SUGCT: variants seen among roughly 807,000 people sequenced by gnomAD.
The protein encoded by SUGCT is succinyl-CoA:glutarate-CoA transferase, also known as succinyl-CoA:glutarate CoA-transferase.
SUGCT carries 41 observed loss-of-function variants against 55.0 expected under a neutral mutation model. That is an observed-to-expected ratio of 0.74 (90% confidence interval 0.58 to 0.97). The LOEUF is 0.97. Among genes scored for constraint, SUGCT ranks in the 50% least tolerant of loss-of-function variants. The pLI, the probability that SUGCT is intolerant of heterozygous loss-of-function variation, is 0.00. For missense variants in SUGCT, 568 were observed against 547.8 expected (o/e 1.04, Z -0.37); for synonymous variants, 187 against 200.4 (o/e 0.93, Z 0.56).
chr7:40,671,633 G>A (rs1801944864), intron 12 of SUGCT, among the ~76,000 whole-genome samples: 1 of 152,122 alleles, frequency 6.6e-6, no homozygotes, highest in East Asian at 1.9e-4. Context: ...GGATAAAAAT[G>A]AAATAGATGT....
chr7:40,829,341 C>T (rs550377277), intron 13 of SUGCT, among the ~76,000 whole-genome samples: 16 of 152,280 alleles, frequency 1.1e-4, no homozygotes, highest in African/African-American at 3.9e-4. Flanking sequence ...GCCACTTTGC[C>T]ATACACTGTT....
Position 40,237,797 on chromosome 7 carries a change from A to AT in SUGCT, c.576+71_576+72insT, listed in dbSNP as rs760924478. 239 of 1,246,884 alleles carry AT rather than the reference A, an allele frequency of 1.9e-4. 1 individual carries two copies. Among genetic ancestry groups the AT allele is most frequent in the Non-Finnish European group, 2.6e-4 (224 of 865,782 alleles). The allele number at this position is 1,246,884 out of a possible 1,614,324, so 77.2% of individuals were successfully genotyped here. On this transcript the variant is annotated intron_variant, in intron 7 of 13. Coordinates refer to ENST00000335693, the MANE Select transcript of SUGCT (RefSeq NM_001193313.2). ...TTCCAAAAGGATTTTACTCTGCACT[A>AT]ACCCATAGGATTAAATGAGTTGTTA...
At chr7:40,314,985 A>G (rs1475845690) in intron 8 of SUGCT, among the ~76,000 whole-genome samples, 2 of 152,186 alleles carry the variant, frequency 1.3e-5, no homozygotes, top group Non-Finnish European at 2.9e-5. Context: ...TTTTGTGTTC[A>G]TTCTGCCTGG....
intron 13 of SUGCT, among the ~76,000 whole-genome samples, chr7:40,821,557 T>C (rs889476516): frequency 1.3e-5 from 2 of 152,178 alleles, no homozygotes; most frequent in African/African-American, 2.4e-5. Context: ...TGCGTAGAGG[T>C]GTTTATAATA....
chr7:40,364,454 G>A (rs1783817817), intron 9 of SUGCT, among the ~76,000 whole-genome samples: 2 of 151,838 alleles, frequency 1.3e-5, no homozygotes, highest in African/African-American at 2.4e-5. Context: ...GGCTGGTACC[G>A]GTTGTTCCTT....
intron 9 of SUGCT, among the ~76,000 whole-genome samples, chr7:40,320,285 T>C (rs1323196101): frequency 6.6e-6 from 1 of 152,062 alleles, no homozygotes; most frequent in African/African-American, 2.4e-5. Context: ...TTTGTATTTT[T>C]AGTAGAGATG....
chr7:40,272,667 T>TTATTATTA, intron 7 of SUGCT, among the ~76,000 whole-genome samples: 1 of 140,316 alleles, frequency 7.1e-6, no homozygotes, highest in Non-Finnish European at 1.5e-5. Context: ...TATTATTATT[T>TTATTATTA]TTTTTTTTTT....
Position 40,647,174 on chromosome 7 carries a change from A to G in SUGCT, c.1090-102260A>G, listed in dbSNP as rs530313525. ...GGAAAAGTAACTGAAAGTCTCTAAC[A>G]TTAAATCACTATTATATCAAGGCAC... On this transcript the variant is annotated intron_variant, in intron 12 of 13. Coordinates refer to ENST00000335693, the MANE Select transcript of SUGCT (RefSeq NM_001193313.2). Among the ~76,000 whole-genome samples the G allele has an allele frequency of 2.0e-5, 3 of 152,222 alleles. No individual in the cohort carries two copies. The South Asian group carries it at 6.2e-4, about 31-fold the overall frequency.
chr7:40,635,294 A>AAAAAAAC (rs1799975585), intron 12 of SUGCT, among the ~76,000 whole-genome samples: 1 of 152,070 alleles, frequency 6.6e-6, no homozygotes, highest in Non-Finnish European at 1.5e-5. Flanking sequence ...TCCAAAAAAG[A>AAAAAAAC]AAAAAACAAA....
At chr7:40,824,755 T>C (rs964934269) in intron 13 of SUGCT, among the ~76,000 whole-genome samples, 14 of 152,082 alleles carry the variant, frequency 9.2e-5, no homozygotes, top group African/African-American at 3.4e-4. Flanking sequence ...TGTCATCCCA[T>C]AGTGGAAAGC....
intron 9 of SUGCT, among the ~76,000 whole-genome samples, chr7:40,341,168 G>T (rs1309226706): frequency 6.6e-6 from 1 of 152,096 alleles, no homozygotes; most frequent in African/African-American, 2.4e-5. Flanking sequence ...ATTGACTGTT[G>T]AATCTCATTC....
intron 6 of SUGCT, among the ~76,000 whole-genome samples, chr7:40,220,542 T>G (rs1787963299): frequency 6.6e-6 from 1 of 152,168 alleles, no homozygotes; most frequent in Admixed American, 6.5e-5. Flanking sequence ...AAGTTGCATG[T>G]GGAGGTGACA....
chr7:40,570,067 A>G (rs1796359027), intron 12 of SUGCT, among the ~76,000 whole-genome samples: 1 of 152,200 alleles, frequency 6.6e-6, no homozygotes, highest in African/African-American at 2.4e-5. Context: ...AGAAATTACT[A>G]TGTTAGGGAA....
chr7:40,194,093 G>A (rs777056470), intron 5 of SUGCT, among the ~76,000 whole-genome samples: 2 of 152,178 alleles, frequency 1.3e-5, no homozygotes, highest in Non-Finnish European at 2.9e-5. Flanking sequence ...CTATAGTTTA[G>A]TAGCCTGAAG....
intron 13 of SUGCT, among the ~76,000 whole-genome samples, chr7:40,751,659 C>T (rs1363694975): frequency 6.6e-6 from 1 of 152,196 alleles, no homozygotes; most frequent in African/African-American, 2.4e-5. Flanking sequence ...CCTCTGCCCA[C>T]CATGCTGTGG....
chr7:40,957,141 G>C, the SUGCT span, among the ~76,000 whole-genome samples: 1 of 152,112 alleles, frequency 6.6e-6, no homozygotes, highest in Admixed American at 6.6e-5. Context: ...GGTCCACTTG[G>C]TCCAGAGCTG....
At chr7:40,734,548 C>A (rs1358748918) in intron 12 of SUGCT, among the ~76,000 whole-genome samples, 1 of 152,186 alleles carries the variant, frequency 6.6e-6, no homozygotes, top group East Asian at 1.9e-4. Context: ...ATGGTCCTCT[C>A]ACACTCACTC....
chr7:40,519,976 A>C (rs1436983266), intron 12 of SUGCT, among the ~76,000 whole-genome samples: 3 of 152,086 alleles, frequency 2.0e-5, no homozygotes, highest in Non-Finnish European at 4.4e-5. Flanking sequence ...TACCAATAGC[A>C]AGTGGTTCTG....
At chr7:40,994,045 G>A in the SUGCT span, among the ~76,000 whole-genome samples, 4 of 152,178 alleles carry the variant, frequency 2.6e-5, no homozygotes, top group African/African-American at 4.8e-5. Context: ...TTGGCCTTAA[G>A]TATATCTGAG....
Sources: allele counts gnomAD v4.1 joint callset (sites outside exome capture counted in the v4.1 genomes callset), GRCh38; gene constraint gnomAD v4.1.1; transcripts MANE v1.5; gene names NCBI Gene and HGNC (gene_info 2026-07-23, HGNC 2026-07-21).